The following CELSR1 variants were observed in gnomAD, a reference collection of about 807,000 sequenced individuals.
CELSR1 encodes cadherin EGF LAG seven-pass G-type receptor 1, also known as adhesion G protein-coupled receptor C1.
CELSR1 carries 110 observed loss-of-function variants against 249.1 expected under a neutral mutation model. The observed-to-expected ratio is 0.44, with a 90% CI of 0.38 to 0.52. The LOEUF (loss-of-function observed/expected upper bound fraction) is 0.52, where lower values mean the gene tolerates loss of function less well. Ranked by LOEUF, CELSR1 falls within the 20% of genes least tolerant of loss-of-function variation. CELSR1 has a pLI of 0.00. For synonymous variants in CELSR1, 2,113 were observed against 1,900.0 expected (o/e 1.11, Z -2.92); for missense variants, 4,109 against 4,296.4 (o/e 0.96, Z 1.22).
intron 23 of CELSR1, 40 bp downstream of exon 23, chr22:46,378,551 G>A (rs2078943493): frequency 6.5e-7 from 1 of 1,531,524 alleles, no homozygotes; most frequent in Non-Finnish European, 8.8e-7. Flanking sequence ...AGGTTTGGCG[G>A]TAGGCCCAGA....
In CELSR1 at chr22:46,380,936, T is replaced by C. The variant is rs1254184659; in HGVS notation, c.7108A>G (p.Ile2370Val). Residue 2370 changes from isoleucine (I) to valine (V), a missense_variant, in exon 22 of 35, where the codon ATT (isoleucine) becomes GTT (valine). This residue lies in a region of CELSR1 where 1,805 missense variants were observed against 1,831.6 expected (regional missense o/e 0.99). Coordinates refer to ENST00000674500, the MANE Select transcript of CELSR1 (RefSeq NM_001378328.1). The surrounding 1 kb of genome is among the most constrained non-coding windows in gnomAD (Gnocchi z 5.1). ...RSLRLPHRPI[I>V]NTPMVSTLVY... is the part of the protein sequence containing the mutation. ...AGCGTGCTCACCATCGGGGTATTAA[T>C]GATGGGCCGGTGAGGCAACCTGAGG... The C allele has an allele frequency of 2.5e-6, 4 of 1,612,400 alleles. No individual in the cohort carries two copies. The highest frequency in any genetic ancestry group is 3.4e-6 in the Non-Finnish European group (4 of 1,178,942).
chr22:46,396,768 T>TA lies in CELSR1; in HGVS notation c.5702-23dup, dbSNP rs1400939574. 1.9e-6 allele frequency: 3 copies of TA among 1,608,078 alleles called. No individual in the cohort carries two copies. The highest frequency in any genetic ancestry group is 2.5e-6 in the Non-Finnish European group (3 of 1,177,384). On this transcript the variant is annotated intron_variant, in intron 12 of 34. Coordinates refer to ENST00000674500, the MANE Select transcript of CELSR1 (RefSeq NM_001378328.1). This position sits in a 1 kb window ranked among gnomAD's most constrained non-coding sequence, Gnocchi z 6.4. The stretch of plus-strand genomic sequence containing the variant: ...TACCCTGCAAGGACAGAGCCAGCAT[T>TA]ACCTCCACCCACAATCCACGAGACC...
intron 1 of CELSR1, among the ~76,000 whole-genome samples, chr22:46,513,296 G>A (rs1326911132): frequency 1.3e-5 from 2 of 152,096 alleles, no homozygotes; most frequent in African/African-American, 2.4e-5. Flanking sequence ...TCATGATCAC[G>A]AGAGGCAACA....
intron 2 of CELSR1, among the ~76,000 whole-genome samples, chr22:46,455,887 A>C (rs998449720): frequency 6.6e-6 from 1 of 152,244 alleles, no homozygotes. Context: ...TTATCCAGAA[A>C]TGAAATAATG....
rs755770944 is a variant in CELSR1, at chr22:46,535,698, G to A, written c.1473C>T (p.Asn491=). Residue 491 remains asparagine (N), a synonymous_variant, in exon 1 of 35, where the codon AAC becomes AAT. Coordinates refer to ENST00000674500, the MANE Select transcript of CELSR1 (RefSeq NM_001378328.1). The part of the protein sequence containing the change: ...VQATDRDQGQ[N]AAIHYSILSG... ...TGAGGATGCTGTAGTGAATGGCCGC[G>A]TTCTGGCCCTGGTCCCGGTCCGTGG... The A allele has an allele frequency of 2.1e-5, 34 of 1,612,986 alleles. No homozygotes were observed. In the South Asian group the frequency reaches 3.3e-4, roughly 16 times the overall value.
intron 1 of CELSR1, among the ~76,000 whole-genome samples, chr22:46,507,450 A>C: frequency 6.6e-6 from 1 of 151,406 alleles, no homozygotes; most frequent in African/African-American, 2.4e-5. Flanking sequence ...GCTGCAGCGT[A>C]CTCCAGCTGC....
intron 2 of CELSR1, among the ~76,000 whole-genome samples, chr22:46,453,810 C>T (rs1192639995): frequency 3.3e-5 from 5 of 152,164 alleles, no homozygotes; most frequent in South Asian, 2.1e-4. Flanking sequence ...CCCACCACAG[C>T]GCCGATGGTG....
rs1227484434 is a variant in CELSR1 at position 46,533,663 on chromosome 22, G to A, written c.3508C>T (p.Arg1170Trp). Reference protein sequence around the residue: ...LQLSRDLDNNRPLEALMEVSV... With the variant: ...LQLSRDLDNNWPLEALMEVSV... ...ACCTCCATGAGCGCCTCCAGCGGCCGGTTGTTGTCCAGGTCGCGGCTGAGC... is the reference window on the plus strand; with the variant it reads ...ACCTCCATGAGCGCCTCCAGCGGCCAGTTGTTGTCCAGGTCGCGGCTGAGC... The change falls in exon 1 of 35, where the codon CGG (arginine) becomes TGG (tryptophan). Residue 1170 changes from arginine to tryptophan, a missense_variant. This residue lies in a region of CELSR1 where 886 missense variants were observed against 896.5 expected (regional missense o/e 0.99). Transcript: ENST00000674500. 8 of 1,599,848 alleles carry A rather than the reference G, an allele frequency of 5.0e-6. No homozygotes were observed. Among genetic ancestry groups the A allele is most frequent in the South Asian group, 2.2e-5 (2 of 90,098 alleles).
At position 46,441,628 on chromosome 22, in the gene CELSR1, A is replaced by C. The variant is rs73890429; in HGVS notation, c.4184-2217T>G. On this transcript the variant is annotated intron_variant, in intron 2 of 34. Coordinates refer to ENST00000674500, the MANE Select transcript of CELSR1 (RefSeq NM_001378328.1). The surrounding 1 kb of genome is among the most constrained non-coding windows in gnomAD (Gnocchi z 6.1). ...CTAGCAGACGGTGCCTTCTTGCCGCATAAGGGAGAGGGCTGTGGTCTCTTC... is the reference window on the plus strand; with the variant it reads ...CTAGCAGACGGTGCCTTCTTGCCGCCTAAGGGAGAGGGCTGTGGTCTCTTC... Among the ~76,000 whole-genome samples, 1 of 152,028 alleles carries C rather than the reference A, an allele frequency of 6.6e-6. No individual in the cohort carries two copies. The highest frequency in any genetic ancestry group is 2.4e-5 in the African/African-American group (1 of 41,326).
intron 1 of CELSR1, among the ~76,000 whole-genome samples, chr22:46,465,637 A>G (rs1307745075): frequency 6.6e-6 from 1 of 152,164 alleles, no homozygotes; most frequent in East Asian, 1.9e-4. Context: ...GTGGCTCCGC[A>G]CCCGGCGCTT....
Position 46,399,645 on chromosome 22 carries a change from A to G in CELSR1, c.5412+72T>C, listed in dbSNP as rs780748920. 58 of 1,499,388 alleles carry G rather than the reference A, an allele frequency of 3.9e-5. No individual in the cohort carries two copies. Among genetic ancestry groups the G allele is most frequent in the Admixed American group, 8.5e-5 (5 of 58,620 alleles). The allele number at this position is 1,499,388 out of a possible 1,614,324, so 92.9% of individuals were successfully genotyped here. On this transcript the variant is annotated intron_variant, in intron 10 of 34. Transcript: ENST00000674500. This position sits in a 1 kb window ranked among gnomAD's most constrained non-coding sequence, Gnocchi z 5.0. ...GGTCTCTGGTGGGTCCTGGCACGTC[A>G]AGGGGTCATTCTGTTTTTCCCTGGG...
rs2080740999 is a variant in CELSR1 at position 46,526,618 on chromosome 22, C to G, written c.3544+7009G>C. On this transcript the variant is annotated intron_variant, in intron 1 of 34. Coordinates refer to ENST00000674500, the MANE Select transcript of CELSR1 (RefSeq NM_001378328.1). This position sits in a 1 kb window ranked among gnomAD's most constrained non-coding sequence, Gnocchi z 4.7. ...CCAGACGGCATCCATCACGGATGAC[C>G]CCCTCGGAGACACTCGCCCTCCCTC... is the stretch of plus-strand genomic sequence containing the variant. Among the ~76,000 whole-genome samples, 2 of 152,182 alleles carry G rather than the reference C, an allele frequency of 1.3e-5. No homozygotes were observed. The highest frequency in any genetic ancestry group is 1.3e-4 in the Admixed American group (2 of 15,278).
At position 46,428,012 on chromosome 22, in the gene CELSR1, C is replaced by A. The variant is rs1171855652; in HGVS notation, c.4611+5381G>T. On this transcript the variant is annotated intron_variant, in intron 5 of 34. Coordinates refer to ENST00000674500, the MANE Select transcript of CELSR1 (RefSeq NM_001378328.1). This position sits in a 1 kb window ranked among gnomAD's most constrained non-coding sequence, Gnocchi z 5.7. ...TCTGGGGTTTAATGTGCAGCACAGA[C>A]CCAAGAGGTTTTGAATGACCTGACA... 6.6e-6 allele frequency among the ~76,000 whole-genome samples: 1 copy of A among 152,114 alleles called. No homozygotes were observed. The highest frequency in any genetic ancestry group is 2.4e-5 in the African/African-American group (1 of 41,418).
At chr22:46,371,467 ACTTT>A (rs749941213) in intron 25 of CELSR1, among the ~76,000 whole-genome samples, 8 of 152,138 alleles carry the variant, frequency 5.3e-5, no homozygotes, top group Admixed American at 3.3e-4. Flanking sequence ...GAGCAAACCA[ACTTT>A]CTGATTTTAA....
chr22:46,383,611 C>T (rs959689738), intron 20 of CELSR1, among the ~76,000 whole-genome samples: 1 of 152,204 alleles, frequency 6.6e-6, no homozygotes, highest in Non-Finnish European at 1.5e-5. Context: ...ACTGCAGCCT[C>T]CATCTCCCGG....
At chr22:46,377,315 C>T (rs2078930172) in intron 23 of CELSR1, 54 bp from the exon 24 acceptor site, 2 of 1,544,488 alleles carry the variant, frequency 1.3e-6, no homozygotes, top group African/African-American at 2.7e-5. Context: ...AGGCTCAGAT[C>T]TGGTCATTGC....
chr22:46,421,190 C>T (rs2079467434), intron 5 of CELSR1, among the ~76,000 whole-genome samples: 1 of 150,404 alleles, frequency 6.6e-6, no homozygotes, highest in Non-Finnish European at 1.5e-5. Context: ...CACCACCACC[C>T]TCCCTGCCGA....
At position 46,377,129 on chromosome 22, in the gene CELSR1, G is replaced by A. The variant is rs762306259; in HGVS notation, c.7516C>T (p.His2506Tyr). Residue 2506 changes from histidine to tyrosine, a missense_variant, in exon 24 of 35, where the codon CAC becomes TAC. Around this residue, in one of 7 missense-constraint regions of CELSR1, gnomAD observed 1,805 missense variants for 1,831.6 expected, o/e 0.99. Coordinates refer to ENST00000674500, the MANE Select transcript of CELSR1 (RefSeq NM_001378328.1). ...GAGAGGAAGAGCGCCACGGCGAGGTGCTTGTGAATGCTGTGCAGGTTGGAG... is the reference window on the plus strand; with the variant it reads ...GAGAGGAAGAGCGCCACGGCGAGGTACTTGTGAATGCTGTGCAGGTTGGAG... ...LRSNLHSIHK[H>Y]LAVALFLSQL... 6.2e-7 allele frequency: 1 copy of A among 1,613,510 alleles called. No individual in the cohort carries two copies. The highest frequency in any genetic ancestry group is 8.5e-7 in the Non-Finnish European group (1 of 1,179,860).
In CELSR1 at chr22:46,412,151, A is replaced by T. The variant is rs372973938; in HGVS notation, c.4612-392T>A. 6.6e-6 allele frequency among the ~76,000 whole-genome samples: 1 copy of T among 152,166 alleles called. No individual in the cohort carries two copies. Among genetic ancestry groups the T allele is most frequent in the African/African-American group, 2.4e-5 (1 of 41,448 alleles). ...GGCAGCTGCTGGAGCAGCTGTTTACAAGCCAAGGGCCACCTGGGCCACCGA... is the reference window on the plus strand; with the variant it reads ...GGCAGCTGCTGGAGCAGCTGTTTACTAGCCAAGGGCCACCTGGGCCACCGA... On this transcript the variant is annotated intron_variant, in intron 5 of 34. Coordinates refer to ENST00000674500, the MANE Select transcript of CELSR1 (RefSeq NM_001378328.1). The surrounding 1 kb of genome is among the most constrained non-coding windows in gnomAD (Gnocchi z 4.5).
Sources: gnomAD v4.1 joint callset for allele counts (sites outside exome capture counted in the v4.1 genomes callset) on GRCh38, gnomAD v4.1.1 for gene constraint, gnomAD v4.1.1 regional missense constraint, Gnocchi (gnomAD v3.1) non-coding constraint, MANE v1.5 for transcripts, NCBI Gene and HGNC (gene_info 2026-07-23, HGNC 2026-07-21) for gene names.